The following RNF13 variants were observed in gnomAD, a reference collection of about 807,000 sequenced individuals.
RNF13 encodes ring finger protein 13, also known as E3 ubiquitin-protein ligase RNF13.
A neutral mutation model predicts 37.7 loss-of-function variants in RNF13; 19 were observed. That is an observed-to-expected ratio of 0.50 (90% CI 0.35 to 0.74). The LOEUF (loss-of-function observed/expected upper bound fraction) is 0.74, where lower values mean the gene tolerates loss of function less well. RNF13 is among the 30% of genes least tolerant of loss of function. The probability of loss-of-function intolerance (pLI) is 0.01; values close to 1 mark genes in which losing one functional copy is unlikely to be tolerated. For missense variants in RNF13, 375 were observed against 453.0 expected, an observed-to-expected ratio of 0.83 and a Z score of 1.56; for synonymous variants, 144 against 157.8, an observed-to-expected ratio of 0.91 and a Z score of 0.65.
At chr3:149,940,114 T>G (rs1720106434) in intron 8 of RNF13, among the ~76,000 whole-genome samples, 1 of 152,196 alleles carries the variant, frequency 6.6e-6, no homozygotes, top group Admixed American at 6.5e-5. Flanking sequence ...TTTCATCATT[T>G]GTGGTTTTAA....
intron 8 of RNF13, among the ~76,000 whole-genome samples, chr3:149,950,565 C>T (rs1721223795): frequency 6.6e-6 from 1 of 152,148 alleles, no homozygotes; most frequent in South Asian, 2.1e-4. Context: ...GCCTCTACCT[C>T]CTGAGTTCAA....
At chr3:149,928,956 A>G (rs1718917487) in intron 8 of RNF13, among the ~76,000 whole-genome samples, 2 of 152,284 alleles carry the variant, frequency 1.3e-5, no homozygotes, top group South Asian at 2.1e-4. Flanking sequence ...ATTCCTTTCT[A>G]AATTTCTTTT....
chr3:149,879,040 CCCAATTTATAACTAGAAGTTTGAAGAGG>C (rs1713067884), intron 4 of RNF13, among the ~76,000 whole-genome samples: 1 of 152,134 alleles, frequency 6.6e-6, no homozygotes, highest in Admixed American at 6.5e-5. Context: ...ACTGCAAAAA[CCCAATTTATAACTAGAAGTTTGAAGAGG>C]CCAGGCTCCA....
intron 3 of RNF13, among the ~76,000 whole-genome samples, chr3:149,855,367 TC>T (rs1723543563): frequency 1.3e-5 from 2 of 151,308 alleles, no homozygotes; most frequent in Non-Finnish European, 2.9e-5. Flanking sequence ...TTCCCCTACT[TC>T]TTCTGTTTTA....
chr3:149,928,919 AT>A (rs754739764), intron 8 of RNF13, among the ~76,000 whole-genome samples: 24 of 152,136 alleles, frequency 1.6e-4, no homozygotes, highest in Admixed American at 3.9e-4. Context: ...TAGGCATTTT[AT>A]TGTTTTAGAT....
chr3:149,846,988 C>A (rs1004747446), intron 2 of RNF13, among the ~76,000 whole-genome samples: 2 of 152,154 alleles, frequency 1.3e-5, no homozygotes, highest in African/African-American at 4.8e-5. Context: ...TAGCTACTGT[C>A]TTACTTTCCT....
chr3:149,871,020 T>A (rs1336437088), intron 3 of RNF13, among the ~76,000 whole-genome samples: 1 of 151,722 alleles, frequency 6.6e-6, no homozygotes, highest in East Asian at 1.9e-4. Context: ...TTTTTCTGTT[T>A]TAGTCTGTTA....
intron 3 of RNF13, among the ~76,000 whole-genome samples, chr3:149,861,406 A>T (rs1014494890): frequency 2.0e-5 from 3 of 152,182 alleles, no homozygotes; most frequent in African/African-American, 4.8e-5. Flanking sequence ...TGAATGGATT[A>T]AAAAAAGTAT....
At chr3:149,880,854 C>A (rs1475708215) in intron 4 of RNF13, among the ~76,000 whole-genome samples, 1 of 151,994 alleles carries the variant, frequency 6.6e-6, no homozygotes. Flanking sequence ...TTGCCAACAA[C>A]CTATGGAATA....
chr3:149,834,821 A>G (rs1721427787), intron 1 of RNF13, among the ~76,000 whole-genome samples: 1 of 152,252 alleles, frequency 6.6e-6, no homozygotes, highest in Non-Finnish European at 1.5e-5. Context: ...TGTGGGCCAA[A>G]TAAACCTCTT....
intron 3 of RNF13, 73 bp downstream of exon 3, chr3:149,852,669 A>C: frequency 1.4e-6 from 1 of 695,502 alleles, no homozygotes; most frequent in Non-Finnish European, 2.3e-6. Context: ...TATTATTTAA[A>C]GAATGAAATC....
At chr3:149,818,092 T>C (rs1411316007) in intron 1 of RNF13, among the ~76,000 whole-genome samples, 1 of 152,218 alleles carries the variant, frequency 6.6e-6, no homozygotes, top group Non-Finnish European at 1.5e-5. Context: ...TTGTTGAGCA[T>C]GAGAAGAAGG....
At chr3:149,904,913 T>A (rs141725250) in intron 6 of RNF13, among the ~76,000 whole-genome samples, 68 of 152,346 alleles carry the variant, frequency 4.5e-4, no homozygotes, top group African/African-American at 1.6e-3. Context: ...TTGTTTATCC[T>A]TGAGTAGATA....
chr3:149,929,908 C>T (rs892278309), intron 8 of RNF13, among the ~76,000 whole-genome samples: 7 of 152,056 alleles, frequency 4.6e-5, no homozygotes, highest in East Asian at 1.9e-4. Context: ...AGTACCACAC[C>T]GCCTTGATTA....
chr3:149,937,540 C>T (rs1208164107), intron 8 of RNF13, among the ~76,000 whole-genome samples: 10 of 152,048 alleles, frequency 6.6e-5, no homozygotes, highest in South Asian at 6.2e-4. Flanking sequence ...ATTTTCTGTA[C>T]GGGAAAATCA....
chr3:149,862,366 A>G (rs1724347058), intron 3 of RNF13, among the ~76,000 whole-genome samples: 1 of 152,114 alleles, frequency 6.6e-6, no homozygotes, highest in Non-Finnish European at 1.5e-5. Flanking sequence ...TATTACAGAT[A>G]CTACTGAAAC....
intron 8 of RNF13, among the ~76,000 whole-genome samples, chr3:149,945,693 C>T (rs982546358): frequency 2.6e-5 from 4 of 152,170 alleles, no homozygotes; most frequent in South Asian, 4.1e-4. Context: ...ACACCCCACA[C>T]GGCCAGGTAC....
At chr3:149,819,804 T>A (rs1462052730) in intron 1 of RNF13, among the ~76,000 whole-genome samples, 1 of 152,238 alleles carries the variant, frequency 6.6e-6, no homozygotes, top group Non-Finnish European at 1.5e-5. Context: ...GGCAGTAACA[T>A]AATCAGGCAT....
chr3:149,893,387 T>C (rs1714920185), intron 4 of RNF13, among the ~76,000 whole-genome samples: 1 of 152,230 alleles, frequency 6.6e-6, no homozygotes. Flanking sequence ...GCTTTTGATA[T>C]TGGTCTAATT....
Sources: allele counts gnomAD v4.1 joint callset (sites outside exome capture counted in the v4.1 genomes callset), GRCh38; gene constraint gnomAD v4.1.1; transcripts MANE v1.5; gene names NCBI Gene and HGNC (gene_info 2026-07-23, HGNC 2026-07-21).